CFHR3: variants seen among roughly 807,000 people sequenced by gnomAD.
CFHR3 encodes complement factor H related 3.
Under a neutral mutation model 36.0 loss-of-function variants are expected in CFHR3, and 22 were observed. The ratio of observed to expected loss-of-function variants is 0.61; its 90% CI spans 0.44 to 0.87. The LOEUF (loss-of-function observed/expected upper bound fraction) is 0.87. CFHR3 is among the 40% of genes least tolerant of loss of function. The probability of loss-of-function intolerance (pLI) is 0.00; values close to 1 mark genes in which losing one functional copy is unlikely to be tolerated. For synonymous variants in CFHR3, 97 were observed against 137.4 expected, an observed-to-expected ratio of 0.71 and a Z score of 2.06; for missense variants, 276 against 401.3, an observed-to-expected ratio of 0.69 and a Z score of 2.67.
At chr1:196,776,627 C>G (rs1653732235) in intron 1 of CFHR3, among the ~76,000 whole-genome samples, 1 of 136,134 alleles carries the variant, frequency 7.3e-6, no homozygotes, top group Non-Finnish European at 1.6e-5. Context: ...CAACCATTTA[C>G]AAGGCAAAGG....
rs1281524332 is a variant in CFHR3, at chr1:196,782,014, T to C, written c.430+2041T>C. Among the ~76,000 whole-genome samples, 135 of 137,712 alleles carry C rather than the reference T, an allele frequency of 9.8e-4. 23 individuals are homozygous for C. Among genetic ancestry groups the C allele is most frequent in the Non-Finnish European group, 1.8e-3 (119 of 64,744 alleles). 90.3% of individuals were successfully genotyped at this position (137,712 alleles called of 152,430 possible). On this transcript the variant is annotated intron_variant, in intron 3 of 5. Coordinates refer to ENST00000367425, the MANE Select transcript of CFHR3 (RefSeq NM_021023.6). ...AGGAAGGGATCCAGTTTCAGCTTTC[T>C]ACATATGGCTAGCCTGTTTTCCCAG...
chr1:196,779,965 T>A lies in CFHR3; in HGVS notation c.422T>A (p.Ile141Asn). The A allele has an allele frequency of 6.5e-7, 1 of 1,533,118 alleles. No homozygotes were observed. The highest frequency in any genetic ancestry group is 8.8e-7 in the Non-Finnish European group (1 of 1,133,184). The allele number at this position is 1,533,118 out of a possible 1,614,324, so 95.0% of individuals were successfully genotyped here. A position where few individuals can be genotyped will look rare whatever the true frequency, so the allele number is the denominator to read the frequency against. Residue 141 changes from isoleucine to asparagine, a missense_variant, in exon 3 of 6, where the codon ATC becomes AAC. By Grantham distance (149) the Ile-to-Asn change is moderately radical. Transcript: ENST00000367425. ...EKGWSPTPRC[I>N]RVRTCSKSDI... ...GGCTGGTCTCCTACTCCCAGATGCATCCGTGTCAGTAAGTACACCGCTCTG... is the reference window on the plus strand; with the variant it reads ...GGCTGGTCTCCTACTCCCAGATGCAACCGTGTCAGTAAGTACACCGCTCTG...
Position 196,787,614 on chromosome 1 carries a change from G to A in CFHR3, c.431-602G>A, listed in dbSNP as rs1212752643. 2.2e-5 allele frequency among the ~76,000 whole-genome samples: 3 copies of A among 136,050 alleles called. 1 individual carries two copies. The highest frequency in any genetic ancestry group is 9.3e-5 in the African/African-American group (3 of 32,314). The allele number at this position is 136,050 out of a possible 152,430, so 89.3% of individuals were successfully genotyped here. On this transcript the variant is annotated intron_variant, in intron 3 of 5. Transcript: ENST00000367425. ...AACACATACATTACTAATATATAAA[G>A]AACAAATACATTGCTAATATATTAG...
Position 196,790,085 on chromosome 1 carries a change from T to G in CFHR3, c.654T>G (p.Asn218Lys). 1 of 1,363,488 alleles carries G rather than the reference T, an allele frequency of 7.3e-7. No individual in the cohort carries two copies. The highest frequency in any genetic ancestry group is 9.8e-7 in the Non-Finnish European group (1 of 1,024,326). 84.5% of individuals were successfully genotyped at this position (1,363,488 alleles called of 1,614,324 possible). Residue 218 changes from asparagine to lysine, a missense_variant, in exon 5 of 6, where the codon AAT (asparagine) becomes AAG (lysine). Transcript: ENST00000367425. ...EKCGPPPPISNGDTTSFLLKV... is the reference protein window; with the variant it reads ...EKCGPPPPISKGDTTSFLLKV... ...GTGGGCCTCCTCCACCTATTAGCAATGGTGATACCACCTCCTTTCTACTAA... is the reference window on the plus strand; with the variant it reads ...GTGGGCCTCCTCCACCTATTAGCAAGGGTGATACCACCTCCTTTCTACTAA...
chr1:196,792,617 A>T lies in CFHR3; in HGVS notation c.797-700A>T, dbSNP rs1644557400. Among the ~76,000 whole-genome samples, 5 of 135,080 alleles carry T rather than the reference A, an allele frequency of 3.7e-5. 2 individuals carry two copies. In the South Asian group the frequency reaches 1.3e-3, roughly 35 times the overall value. The allele number at this position is 135,080 out of a possible 152,430, so 88.6% of individuals were successfully genotyped here. On this transcript the variant is annotated intron_variant, in intron 5 of 5. Transcript: ENST00000367425. The stretch of plus-strand genomic sequence containing the variant: ...TAACATTATCTTACTGATTTTACAG[A>T]TGAAGGCATAGTGAGACAGAGTAAT...
chr1:196,785,874 G>T (rs1344466414), intron 3 of CFHR3, among the ~76,000 whole-genome samples: 1 of 136,780 alleles, frequency 7.3e-6, no homozygotes, highest in Non-Finnish European at 1.6e-5. Flanking sequence ...AGGAGGAGAG[G>T]TGCTCTGCTT....
In CFHR3 at chr1:196,789,038, A is replaced by G. The variant is rs769341024; in HGVS notation, c.613+640A>G. On this transcript the variant is annotated intron_variant, in intron 4 of 5. Transcript: ENST00000367425. ...TGAACGTGCTCGACCTTTACTTAGT[A>G]TGATAAAGAGAATGCATAATGAACA... The G allele has an allele frequency of 4.0e-6, 5 of 1,237,348 alleles. 1 individual carries two copies. Among genetic ancestry groups the G allele is most frequent in the South Asian group, 2.3e-5 (1 of 43,760 alleles). 76.6% of individuals were successfully genotyped at this position (1,237,348 alleles called of 1,614,324 possible). A position where few individuals can be genotyped will look rare whatever the true frequency, so the allele number is the denominator to read the frequency against.
intron 3 of CFHR3, among the ~76,000 whole-genome samples, chr1:196,785,217 C>T (rs1643866640): frequency 3.7e-5 from 5 of 135,630 alleles, no homozygotes; most frequent in South Asian, 5.2e-4. Flanking sequence ...CCCGACCTTT[C>T]TCTCTGGCTG....
intron 3 of CFHR3, among the ~76,000 whole-genome samples, chr1:196,784,598 T>G (rs1301935257): frequency 7.4e-6 from 1 of 135,478 alleles, no homozygotes; most frequent in Non-Finnish European, 1.6e-5. Context: ...GGTTTAAAGT[T>G]TGTTTCATCA....
Position 196,788,308 on chromosome 1 carries a change from T to G in CFHR3, c.523T>G (p.Cys175Gly), listed in dbSNP as rs537454242. The change falls in exon 4 of 6, where the codon TGT (cysteine) becomes GGT (glycine). Residue 175 changes from cysteine (C) to glycine (G), a missense_variant. Cys to Gly is a radical substitution (Grantham distance 159). This residue lies in a region of CFHR3 where 178 missense variants were observed against 247.2 expected (regional missense o/e 0.72). Coordinates refer to ENST00000367425, the MANE Select transcript of CFHR3 (RefSeq NM_021023.6). ...YILNKEIQYK[C>G]KPGYATADGN... ...TTTAAATAAAGAAATACAATATAAATGTAAACCAGGATATGCAACAGCAGA... is the reference window on the plus strand; with the variant it reads ...TTTAAATAAAGAAATACAATATAAAGGTAAACCAGGATATGCAACAGCAGA... 1.1e-5 allele frequency: 16 copies of G among 1,521,418 alleles called. 4 individuals are homozygous for G. The African/African-American group carries it at 2.5e-4, about 24-fold the overall frequency. The allele number at this position is 1,521,418 out of a possible 1,614,324, so 94.2% of individuals were successfully genotyped here.
At chr1:196,784,086 G>C (rs1225393078) in intron 3 of CFHR3, among the ~76,000 whole-genome samples, 3 of 136,472 alleles carry the variant, frequency 2.2e-5, no homozygotes, top group Admixed American at 2.1e-4. Context: ...GGAGCAGTTT[G>C]TTCAGTTTCC....
chr1:196,775,041 G>A, intron 1 of CFHR3, 97 bp downstream of exon 1: 1 of 1,087,086 alleles, frequency 9.2e-7, no homozygotes, highest in Non-Finnish European at 1.3e-6. Flanking sequence ...ATGAATCAAA[G>A]AGGATTTATT....
intron 3 of CFHR3, among the ~76,000 whole-genome samples, chr1:196,786,370 T>C (rs1654200774): frequency 7.4e-6 from 1 of 135,150 alleles, no homozygotes; most frequent in Admixed American, 7.1e-5. Context: ...CAGAGGTTAC[T>C]GCTGTCTTTT....
At position 196,777,411 on chromosome 1, in the gene CFHR3, A is replaced by G. The variant is rs1409938546; in HGVS notation, c.59-1751A>G. Among the ~76,000 whole-genome samples the G allele has an allele frequency of 2.9e-5, 4 of 136,830 alleles. 1 individual carries two copies. Among genetic ancestry groups the G allele is most frequent in the Non-Finnish European group, 4.6e-5 (3 of 64,576 alleles). 89.8% of individuals were successfully genotyped at this position (136,830 alleles called of 152,430 possible). ...AATTCCTTTTAAACTGATCATTTTC[A>G]GTACCCAATGCATTACAGTTAATTG... On this transcript the variant is annotated intron_variant, in intron 1 of 5. Coordinates refer to ENST00000367425, the MANE Select transcript of CFHR3 (RefSeq NM_021023.6).
intron 3 of CFHR3, among the ~76,000 whole-genome samples, chr1:196,783,342 C>G (rs1654043463): frequency 7.4e-6 from 1 of 135,076 alleles, no homozygotes; most frequent in Non-Finnish European, 1.6e-5. Flanking sequence ...AGGATTCCCT[C>G]TTTTTCTATT....
chr1:196,775,381 AATAC>A (rs1236406893), intron 1 of CFHR3, among the ~76,000 whole-genome samples: 4 of 137,302 alleles, frequency 2.9e-5, no homozygotes, highest in Admixed American at 1.4e-4. Context: ...AAAATCAAAT[AATAC>A]ATTTTAAATT....
Position 196,783,992 on chromosome 1 carries a change from G to A in CFHR3, c.430+4019G>A, listed in dbSNP as rs1434341430. Among the ~76,000 whole-genome samples the A allele has an allele frequency of 3.0e-5, 4 of 135,322 alleles. 2 individuals carry two copies. The highest frequency in any genetic ancestry group is 1.2e-4 in the African/African-American group (4 of 32,052). 88.8% of individuals were successfully genotyped at this position (135,322 alleles called of 152,430 possible). A position where few individuals can be genotyped will look rare whatever the true frequency, so the allele number is the denominator to read the frequency against. On this transcript the variant is annotated intron_variant, in intron 3 of 5. Coordinates refer to ENST00000367425, the MANE Select transcript of CFHR3 (RefSeq NM_021023.6). Reference sequence around the variant, plus strand: ...GCTTTGAATGTGTCCCATAGATTCTGGTATGTTGTGTCTTTGTTCTCGTTG... The same window carrying A: ...GCTTTGAATGTGTCCCATAGATTCTAGTATGTTGTGTCTTTGTTCTCGTTG...
chr1:196,779,120 G>A, intron 1 of CFHR3, 42 bp from the exon 2 acceptor site: 1 of 1,352,236 alleles, frequency 7.4e-7, no homozygotes, highest in Non-Finnish European at 1.0e-6. Flanking sequence ...ATTTATTACA[G>A]TAAAAATTAT....
In CFHR3 at chr1:196,791,072, G is replaced by A. The variant is rs190044888; in HGVS notation, c.796+845G>A. Among the ~76,000 whole-genome samples the A allele has an allele frequency of 2.2e-5, 3 of 137,026 alleles. No homozygotes were observed. The East Asian group carries it at 5.9e-4, about 27-fold the overall frequency. 89.9% of individuals were successfully genotyped at this position (137,026 alleles called of 152,430 possible). On this transcript the variant is annotated intron_variant, in intron 5 of 5. Transcript: ENST00000367425. ...AGAACACATAGCTGGTTAACACTGA[G>A]AAGTTCTTTCTCTGATTATTATTCT...
Sources: allele counts gnomAD v4.1 joint callset (sites outside exome capture counted in the v4.1 genomes callset), GRCh38; gene constraint gnomAD v4.1.1; regional missense constraint gnomAD v4.1.1; transcripts MANE v1.5; gene names NCBI Gene and HGNC (gene_info 2026-07-23, HGNC 2026-07-21).